DNAH7: variants seen among roughly 807,000 people sequenced by gnomAD.
DNAH7 encodes the protein dynein axonemal heavy chain 7.
DNAH7 carries 397 observed loss-of-function variants against 444.6 expected under a neutral mutation model. The ratio of observed to expected loss-of-function variants is 0.89; its 90% CI spans 0.82 to 0.97. The LOEUF (loss-of-function observed/expected upper bound fraction) is 0.97. Ranked by LOEUF, DNAH7 falls within the 50% of genes least tolerant of loss-of-function variation. DNAH7 has a pLI of 0.00. For missense variants in DNAH7, 4,902 were observed against 4,800.8 expected (o/e 1.02, Z -0.62); for synonymous variants, 1,636 against 1,624.4 (o/e 1.01, Z -0.17).
At chr2:195,969,616 T>C (rs1345529985) in intron 17 of DNAH7, among the ~76,000 whole-genome samples, 1 of 152,194 alleles carries the variant, frequency 6.6e-6, no homozygotes, top group East Asian at 1.9e-4. Flanking sequence ...TACTATCATT[T>C]GCCTGCTTCT....
intron 12 of DNAH7, 34 bp from the exon 13 acceptor site, chr2:195,988,263 ATATCT>A (rs1375828386): frequency 1.3e-6 from 2 of 1,513,296 alleles, no homozygotes; most frequent in Admixed American, 2.2e-5. Context: ...AGTATTTAAA[ATATCT>A]TAAAGTAACT....
At chr2:195,798,748 G>A (rs958192701) in intron 55 of DNAH7, among the ~76,000 whole-genome samples, 3 of 151,644 alleles carry the variant, frequency 2.0e-5, no homozygotes, top group Admixed American at 6.6e-5. Flanking sequence ...GGGTTTCACC[G>A]TGTTGGCCAG....
Position 195,960,532 on chromosome 2 carries a change from G to C in DNAH7, c.2619C>G (p.Val873=), listed in dbSNP as rs115124743. Residue 873 remains valine, a synonymous_variant, in exon 18 of 65, where the codon GTC becomes GTG. Coordinates refer to ENST00000312428, the MANE Select transcript of DNAH7 (RefSeq NM_018897.3). ...CCAGATTCATGTCTAAAAAAGAGGA[G>C]ACTGTGGAGTCATCTGATGGCTGCA... ...YPLQPSDDST[V]SSFLDMNLEP... The C allele has an allele frequency of 0.034, 54,970 of 1,614,102 alleles. 1,005 individuals carry two copies. The highest frequency in any genetic ancestry group is 0.067 in the Middle Eastern group (405 of 6,062).
intron 24 of DNAH7, among the ~76,000 whole-genome samples, chr2:195,917,168 A>G (rs1330409214): frequency 6.6e-6 from 1 of 151,094 alleles, no homozygotes; most frequent in Admixed American, 6.6e-5. Flanking sequence ...GTGAGATTCC[A>G]TCTCAAAAAA....
intron 40 of DNAH7, among the ~76,000 whole-genome samples, chr2:195,866,582 CA>C (rs1700355443): frequency 6.6e-6 from 1 of 152,142 alleles, no homozygotes; most frequent in Admixed American, 6.5e-5. Context: ...ATCTAGCTGG[CA>C]GTTTAGCAAG....
At chr2:195,802,410 G>C (rs1337147398) in intron 54 of DNAH7, among the ~76,000 whole-genome samples, 1 of 152,192 alleles carries the variant, frequency 6.6e-6, no homozygotes, top group Non-Finnish European at 1.5e-5. Context: ...TGAGGCACAA[G>C]AATCACTTGA....
At chr2:195,744,203 G>A (rs1323149016) in intron 63 of DNAH7, among the ~76,000 whole-genome samples, 1 of 152,220 alleles carries the variant, frequency 6.6e-6, no homozygotes, top group Non-Finnish European at 1.5e-5. Flanking sequence ...GGCGCACCAG[G>A]AGATTATATC....
At chr2:195,992,221 T>C (rs898446696) in intron 12 of DNAH7, among the ~76,000 whole-genome samples, 5 of 152,152 alleles carry the variant, frequency 3.3e-5, no homozygotes, top group African/African-American at 7.2e-5. Flanking sequence ...CCTCAGTGCA[T>C]TTCTAGTAGA....
intron 36 of DNAH7, among the ~76,000 whole-genome samples, chr2:195,877,849 T>C (rs965286778): frequency 3.9e-5 from 6 of 152,252 alleles, no homozygotes; most frequent in African/African-American, 1.4e-4. Flanking sequence ...CATTCTAAAA[T>C]GGAAGTTCTT....
intron 46 of DNAH7, among the ~76,000 whole-genome samples, chr2:195,852,493 C>T (rs1189879174): frequency 6.6e-6 from 1 of 152,144 alleles, no homozygotes; most frequent in Non-Finnish European, 1.5e-5. Flanking sequence ...TATCATCCCT[C>T]CCATTTTTTC....
At chr2:195,801,563 A>G (rs2106006779) in intron 54 of DNAH7, among the ~76,000 whole-genome samples, 1 of 152,266 alleles carries the variant, frequency 6.6e-6, no homozygotes, top group East Asian at 1.9e-4. Context: ...CAAGAATGGA[A>G]TTGTGTGTAT....
chr2:195,936,041 G>GA (rs755466308), intron 20 of DNAH7, among the ~76,000 whole-genome samples: 19 of 152,156 alleles, frequency 1.2e-4, no homozygotes, highest in Non-Finnish European at 2.5e-4. Context: ...AATGTGCTGT[G>GA]AAAGAGCTGT....
intron 15 of DNAH7, among the ~76,000 whole-genome samples, chr2:195,979,705 T>C (rs1051662127): frequency 1.3e-5 from 2 of 152,036 alleles, no homozygotes; most frequent in African/African-American, 4.8e-5. Context: ...CTAAACAACA[T>C]TGACATACCT....
At chr2:195,896,870 TGACACTG>T (rs1702349975) in intron 29 of DNAH7, among the ~76,000 whole-genome samples, 1 of 152,204 alleles carries the variant, frequency 6.6e-6, no homozygotes, top group Admixed American at 6.5e-5. Flanking sequence ...CGGTAGCTAA[TGACACTG>T]GACAATACTA....
intron 1 of DNAH7, among the ~76,000 whole-genome samples, chr2:196,067,686 T>C (rs1282974912): frequency 6.6e-6 from 1 of 152,206 alleles, no homozygotes; most frequent in Non-Finnish European, 1.5e-5. Flanking sequence ...ACTCAATGGA[T>C]AGGAGACTAA....
rs1414818709 is a variant in DNAH7 at position 196,057,936 on chromosome 2, A to G, written c.78+118T>C. The G allele has an allele frequency of 5.2e-6, 4 of 772,608 alleles. No individual in the cohort carries two copies. In the African/African-American group the frequency reaches 7.1e-5, roughly 14 times the overall value. 47.9% of individuals were successfully genotyped at this position (772,608 alleles called of 1,614,324 possible). The stretch of plus-strand genomic sequence containing the variant: ...CCTCCATCAGAAAAGAATCAAATGG[A>G]ATTTAAAATTGTATAAAATTTAAAA... On this transcript the variant is annotated intron_variant, in intron 2 of 64. Coordinates refer to ENST00000312428, the MANE Select transcript of DNAH7 (RefSeq NM_018897.3).
chr2:195,783,525 G>A (rs946992024), intron 58 of DNAH7, among the ~76,000 whole-genome samples: 1 of 151,864 alleles, frequency 6.6e-6, no homozygotes, highest in African/African-American at 2.4e-5. Context: ...TCCTTCTCTG[G>A]GTGTGTTCAG....
At chr2:195,824,798 G>T (rs1697644666) in intron 48 of DNAH7, among the ~76,000 whole-genome samples, 1 of 152,088 alleles carries the variant, frequency 6.6e-6, no homozygotes, top group Admixed American at 6.6e-5. Flanking sequence ...TCCAGTTGTA[G>T]TTATTTAAAT....
At chr2:195,805,105 T>G (rs1280972086) in intron 54 of DNAH7, among the ~76,000 whole-genome samples, 3 of 152,202 alleles carry the variant, frequency 2.0e-5, no homozygotes, top group Non-Finnish European at 4.4e-5. Flanking sequence ...AAGAGATATA[T>G]CATCTTATTG....
Sources: allele counts gnomAD v4.1 joint callset (sites outside exome capture counted in the v4.1 genomes callset), GRCh38; gene constraint gnomAD v4.1.1; transcripts MANE v1.5; gene names NCBI Gene and HGNC (gene_info 2026-07-23, HGNC 2026-07-21).